The following ATP6V1H variants were observed in gnomAD, a reference collection of about 807,000 sequenced individuals.
The protein encoded by ATP6V1H is V-type proton ATPase subunit H.
ATP6V1H carries 39 observed loss-of-function variants against 71.7 expected under a neutral mutation model. The observed-to-expected ratio is 0.54, with a 90% CI of 0.42 to 0.71. The LOEUF is 0.71. Ranked by LOEUF, ATP6V1H falls within the 30% of genes least tolerant of loss-of-function variation. The pLI is 0.00. For missense variants in ATP6V1H, 509 were observed against 594.9 expected (o/e 0.86, Z 1.50); for synonymous variants, 192 against 199.3 (o/e 0.96, Z 0.31).
At chr8:53,739,480 T>C (rs575918699) in intron 13 of ATP6V1H, 1 of 152,346 alleles carries the variant, frequency 6.6e-6, no homozygotes, top group South Asian at 2.1e-4. Flanking sequence ...TAACTTATTA[T>C]GCTGCTTAAG....
chr8:53,728,840 G>A (rs1045175973), intron 13 of ATP6V1H, among the ~76,000 whole-genome samples: 3 of 152,118 alleles, frequency 2.0e-5, no homozygotes, highest in African/African-American at 4.8e-5. Flanking sequence ...TTTCCCCAAC[G>A]GATGCAGAGC....
intron 9 of ATP6V1H, among the ~76,000 whole-genome samples, chr8:53,793,787 A>G (rs1809642445): frequency 6.6e-6 from 1 of 152,102 alleles, no homozygotes; most frequent in African/African-American, 2.4e-5. Flanking sequence ...AAAAACACAA[A>G]AATTAGTTGA....
chr8:53,803,425 A>T (rs1403373685), intron 7 of ATP6V1H, among the ~76,000 whole-genome samples: 3 of 152,232 alleles, frequency 2.0e-5, no homozygotes, highest in African/African-American at 7.2e-5. Context: ...AATTTCAAAA[A>T]GAATTTCTTA....
intron 12 of ATP6V1H, among the ~76,000 whole-genome samples, chr8:53,754,222 T>C (rs374284712): frequency 7.9e-5 from 12 of 152,112 alleles, no homozygotes; most frequent in East Asian, 3.9e-4. Context: ...AAAAGGCTTA[T>C]TGGGAAACAA....
intron 13 of ATP6V1H, 118 bp downstream of exon 13, chr8:53,743,459 G>T: frequency 1.6e-6 from 1 of 622,298 alleles, no homozygotes; most frequent in East Asian, 3.9e-5. Flanking sequence ...TCTAAATTTT[G>T]AATCAAAATA....
At chr8:53,745,090 A>T (rs16919541) in intron 12 of ATP6V1H, among the ~76,000 whole-genome samples, 19,208 of 152,120 alleles carry the variant, frequency 0.13, 1,844 homozygotes, top group East Asian at 0.37. Flanking sequence ...AGTGGCTTCT[A>T]CTTGTCTTAA....
At chr8:53,744,079 A>C (rs1054341268) in intron 12 of ATP6V1H, among the ~76,000 whole-genome samples, 1 of 152,146 alleles carries the variant, frequency 6.6e-6, no homozygotes, top group Non-Finnish European at 1.5e-5. Flanking sequence ...AACAACATAC[A>C]ATCAATATCA....
chr8:53,796,224 G>C (rs1809731423), intron 8 of ATP6V1H, among the ~76,000 whole-genome samples: 1 of 152,108 alleles, frequency 6.6e-6, no homozygotes, highest in Non-Finnish European at 1.5e-5. Context: ...AGGAAACAGA[G>C]AAAAGAAGGG....
chr8:53,789,962 G>A (rs1278162874), intron 9 of ATP6V1H, among the ~76,000 whole-genome samples: 4 of 152,020 alleles, frequency 2.6e-5, no homozygotes, highest in Admixed American at 2.0e-4. Context: ...TAATCTAATA[G>A]CAAAGACATT....
intron 9 of ATP6V1H, among the ~76,000 whole-genome samples, chr8:53,779,358 T>C (rs1040526528): frequency 6.6e-6 from 1 of 151,862 alleles, no homozygotes; most frequent in Non-Finnish European, 1.5e-5. Flanking sequence ...GAATTAAGCT[T>C]AAAAAGACCA....
In ATP6V1H at chr8:53,789,451, C is replaced by G. The variant is rs534361728; in HGVS notation, c.870+6196G>C. Among the ~76,000 whole-genome samples, 321 of 152,172 alleles carry G rather than the reference C, an allele frequency of 2.1e-3. 1 individual carries two copies. The highest frequency in any genetic ancestry group is 7.3e-3 in the African/African-American group (302 of 41,538). ...ACTTTGGGAGGCCGAAGCAGGCACT[C>G]TAGCCTGGGCAATAGAGCAAGACTC... On this transcript the variant is annotated intron_variant, in intron 9 of 13. Coordinates refer to ENST00000359530, the MANE Select transcript of ATP6V1H (RefSeq NM_015941.4).
At chr8:53,743,871 C>A (rs952301399) in intron 12 of ATP6V1H, among the ~76,000 whole-genome samples, 181 bp from the exon 13 acceptor site, 1 of 152,130 alleles carries the variant, frequency 6.6e-6, no homozygotes, top group Non-Finnish European at 1.5e-5. Context: ...CAAATACTTT[C>A]GTTTTTGAAT....
At chr8:53,733,045 G>A (rs897637643) in intron 13 of ATP6V1H, among the ~76,000 whole-genome samples, 15 of 152,216 alleles carry the variant, frequency 9.9e-5, no homozygotes, top group Non-Finnish European at 2.9e-5. Flanking sequence ...GTGCCTTTGT[G>A]TATCAACCCT....
chr8:53,720,481 G>A (rs1054876412), intron 13 of ATP6V1H, among the ~76,000 whole-genome samples: 1 of 152,218 alleles, frequency 6.6e-6, no homozygotes, highest in Non-Finnish European at 1.5e-5. Flanking sequence ...TATTCTGCTA[G>A]GAGCTAGGGC....
chr8:53,759,848 A>G (rs1320402089), intron 11 of ATP6V1H, among the ~76,000 whole-genome samples: 1 of 152,234 alleles, frequency 6.6e-6, no homozygotes, highest in African/African-American at 2.4e-5. Flanking sequence ...AGTGAGAGGG[A>G]AAAATTAACT....
intron 6 of ATP6V1H, among the ~76,000 whole-genome samples, chr8:53,812,549 A>C (rs1810311251): frequency 6.6e-6 from 1 of 152,228 alleles, no homozygotes; most frequent in African/African-American, 2.4e-5. Context: ...GGAAAAGTTT[A>C]AGGTAGAAGT....
At chr8:53,752,891 G>A (rs1807852680) in intron 12 of ATP6V1H, among the ~76,000 whole-genome samples, 1 of 152,020 alleles carries the variant, frequency 6.6e-6, no homozygotes, top group African/African-American at 2.4e-5. Context: ...AGATAACCTG[G>A]TAAAAGATCA....
At position 53,769,751 on chromosome 8, in the gene ATP6V1H, A is replaced by G; in HGVS notation, c.1050-8T>C. On this transcript the variant is annotated splice_region_variant and splice_polypyrimidine_tract_variant and intron_variant, in intron 10 of 13. Transcript: ENST00000359530. The stretch of plus-strand genomic sequence containing the variant: ...CTGTATTCATCAAATGAACTATAAA[A>G]ATGTTCAAAAGAATTCAAGGTTTAT... 6.3e-7 allele frequency: 1 copy of G among 1,594,164 alleles called. No homozygotes were observed.
At chr8:53,746,450 A>C (rs1807606285) in intron 12 of ATP6V1H, among the ~76,000 whole-genome samples, 1 of 151,988 alleles carries the variant, frequency 6.6e-6, no homozygotes, top group Admixed American at 6.6e-5. Context: ...TTTTTAGTAG[A>C]GACGGGGTTT....
Sources: allele counts gnomAD v4.1 joint callset (sites outside exome capture counted in the v4.1 genomes callset), GRCh38; gene constraint gnomAD v4.1.1; transcripts MANE v1.5; gene names NCBI Gene and HGNC (gene_info 2026-07-23, HGNC 2026-07-21).